Variants in OPCML observed in about 807,000 individuals in gnomAD.
OPCML encodes opioid-binding protein/cell adhesion molecule.
Under a neutral mutation model 37.8 loss-of-function variants are expected in OPCML, and 13 were observed. The observed-to-expected ratio is 0.34, with a 90% CI of 0.22 to 0.55. OPCML has a LOEUF of 0.55. Ranked by LOEUF, OPCML falls within the 20% of genes least tolerant of loss-of-function variation. The pLI is 0.91. For missense variants in OPCML, 341 were observed against 435.6 expected (o/e 0.78, Z 1.93); for synonymous variants, 176 against 168.8 (o/e 1.04, Z -0.33).
At chr11:133,387,286 A>G (rs1216364353) in intron 1 of OPCML, among the ~76,000 whole-genome samples, 3 of 152,210 alleles carry the variant, frequency 2.0e-5, no homozygotes, top group African/African-American at 7.2e-5. Context: ...GGAAGAGGCA[A>G]GACATCACTT....
At chr11:132,633,828 G>C (rs1940308208) in intron 3 of OPCML, among the ~76,000 whole-genome samples, 1 of 151,820 alleles carries the variant, frequency 6.6e-6, no homozygotes, top group African/African-American at 2.4e-5. Flanking sequence ...CATCAATAAT[G>C]TTTCCTTCCA....
intron 1 of OPCML, among the ~76,000 whole-genome samples, chr11:133,178,753 G>A (rs909215744): frequency 6.6e-6 from 1 of 152,098 alleles, no homozygotes; most frequent in African/African-American, 2.4e-5. Flanking sequence ...CGAGGTAGGT[G>A]CTTCCATAGA....
chr11:133,345,894 A>G (rs966890591), intron 1 of OPCML, among the ~76,000 whole-genome samples: 2 of 152,164 alleles, frequency 1.3e-5, no homozygotes, highest in African/African-American at 4.8e-5. Context: ...GGTGGCTGCA[A>G]TGAACACAGG....
intron 3 of OPCML, among the ~76,000 whole-genome samples, chr11:132,556,307 A>T (rs1029903017): frequency 2.0e-5 from 3 of 152,204 alleles, no homozygotes; most frequent in Non-Finnish European, 2.9e-5. Flanking sequence ...ACTTAAGATC[A>T]TTTATAAGAA....
intron 4 of OPCML, among the ~76,000 whole-genome samples, chr11:132,452,901 T>C (rs2096072324): frequency 6.6e-6 from 1 of 152,144 alleles, no homozygotes; most frequent in Non-Finnish European, 1.5e-5. Flanking sequence ...ATAGAAATAA[T>C]AGGTGTCATT....
At chr11:133,338,874 G>C (rs779554232) in intron 1 of OPCML, among the ~76,000 whole-genome samples, 1 of 152,192 alleles carries the variant, frequency 6.6e-6, no homozygotes, top group Non-Finnish European at 1.5e-5. Context: ...GGGAAGAGAT[G>C]TTCAAAGAGC....
intron 3 of OPCML, among the ~76,000 whole-genome samples, chr11:132,563,757 T>A (rs972653936): frequency 6.6e-6 from 1 of 152,132 alleles, no homozygotes; most frequent in African/African-American, 2.4e-5. Context: ...AAAGCACTTA[T>A]GTATTATTGT....
chr11:133,221,991 C>T (rs1391324537), intron 1 of OPCML, among the ~76,000 whole-genome samples: 1 of 152,152 alleles, frequency 6.6e-6, no homozygotes, highest in Non-Finnish European at 1.5e-5. Context: ...CTTTCTCTTC[C>T]CATTTGTCAA....
intron 1 of OPCML, among the ~76,000 whole-genome samples, chr11:133,000,392 C>T (rs185235958): frequency 1.3e-5 from 2 of 152,216 alleles, no homozygotes; most frequent in Non-Finnish European, 2.9e-5. Context: ...GGATTACAGG[C>T]GTGAGCCACC....
chr11:132,524,451 G>A (rs2096302693), intron 4 of OPCML, among the ~76,000 whole-genome samples: 1 of 152,048 alleles, frequency 6.6e-6, no homozygotes, highest in Admixed American at 6.6e-5. Context: ...ATACCCTCTA[G>A]CAGATCTATA....
rs75835473 is a variant in OPCML at position 133,251,927 on chromosome 11, T to C, written c.61+280337A>G. The stretch of plus-strand genomic sequence containing the variant: ...AAAATGCTGGGGTAGGTGAGTCCCA[T>C]CCTTTGTCTGAGAGATTCTACCTAG... On this transcript the variant is annotated intron_variant, in intron 1 of 7. Coordinates refer to ENST00000524381, the MANE Select transcript of OPCML (RefSeq NM_001012393.5). 4.1e-3 allele frequency among the ~76,000 whole-genome samples: 618 copies of C among 152,272 alleles called. 6 individuals carry two copies. Among genetic ancestry groups the C allele is most frequent in the African/African-American group, 0.014 (578 of 41,542 alleles).
intron 1 of OPCML, among the ~76,000 whole-genome samples, chr11:133,138,914 A>G (rs1216182156): frequency 6.6e-6 from 1 of 152,204 alleles, no homozygotes; most frequent in East Asian, 1.9e-4. Context: ...ATAAACCTAG[A>G]AAGAGGGTCT....
chr11:133,034,135 G>A (rs1947724791), intron 1 of OPCML, among the ~76,000 whole-genome samples: 1 of 152,162 alleles, frequency 6.6e-6, no homozygotes, highest in Admixed American at 6.5e-5. Context: ...CTGAGGGGAT[G>A]CTCCTATAGG....
intron 2 of OPCML, among the ~76,000 whole-genome samples, chr11:132,697,790 G>C (rs892602508): frequency 6.6e-6 from 1 of 151,852 alleles, no homozygotes; most frequent in South Asian, 2.1e-4. Flanking sequence ...TTGAGACAAG[G>C]CCTCTCTCTC....
intron 4 of OPCML, among the ~76,000 whole-genome samples, chr11:132,466,971 A>C (rs1014229373): frequency 6.6e-6 from 1 of 152,164 alleles, no homozygotes; most frequent in East Asian, 1.9e-4. Flanking sequence ...TCCTTTGTGG[A>C]GGGAGAGGGG....
intron 2 of OPCML, among the ~76,000 whole-genome samples, chr11:132,798,086 T>C (rs943048817): frequency 6.6e-6 from 1 of 152,226 alleles, no homozygotes; most frequent in African/African-American, 2.4e-5. Flanking sequence ...TTGTTTTATT[T>C]ATGTATTTAT....
chr11:133,404,270 C>T (rs917531631), intron 1 of OPCML, among the ~76,000 whole-genome samples: 3 of 152,218 alleles, frequency 2.0e-5, no homozygotes, highest in African/African-American at 7.2e-5. Context: ...AAGGTATGGT[C>T]TCATCTTAAC....
chr11:133,204,315 C>T (rs1938939674), intron 1 of OPCML, among the ~76,000 whole-genome samples: 2 of 152,176 alleles, frequency 1.3e-5, no homozygotes, highest in South Asian at 4.1e-4. Flanking sequence ...TTTCGTCATT[C>T]ACATGAGTGG....
chr11:132,778,794 C>T (rs1946893122), intron 2 of OPCML, among the ~76,000 whole-genome samples: 1 of 152,072 alleles, frequency 6.6e-6, no homozygotes, highest in South Asian at 2.1e-4. Flanking sequence ...AAGTCATAGG[C>T]TCAATTCGTA....
Sources: gnomAD v4.1 joint callset for allele counts (sites outside exome capture counted in the v4.1 genomes callset) on GRCh38, gnomAD v4.1.1 for gene constraint, MANE v1.5 for transcripts, NCBI Gene and HGNC (gene_info 2026-07-23, HGNC 2026-07-21) for gene names.